Variants in TWF2 observed in about 807,000 individuals in gnomAD.
TWF2 encodes twinfilin actin binding protein 2.
Under a neutral mutation model 45.1 loss-of-function variants are expected in TWF2, and 15 were observed. The observed-to-expected ratio is 0.33, with a 90% CI of 0.22 to 0.51. TWF2 has a LOEUF of 0.51. TWF2 is among the 20% of genes least tolerant of loss of function. The pLI is 0.97. For missense variants in TWF2, 423 were observed against 469.1 expected (o/e 0.90, Z 0.91); for synonymous variants, 177 against 195.8 (o/e 0.90, Z 0.80).
intron 2 of TWF2, chr3:52,232,364 C>CCACA (rs1262223352): frequency 9.3e-6 from 5 of 539,760 alleles, no homozygotes; most frequent in African/African-American, 1.9e-5. Context: ...ACACACCCCC[C>CCACA]CACACACACA....
chr3:52,232,129 G>A lies in TWF2; in HGVS notation c.104-7C>T, dbSNP rs557015181. On this transcript the variant is annotated splice_region_variant and splice_polypyrimidine_tract_variant and intron_variant, in intron 2 of 8. Transcript: ENST00000305533. ...GCACCCAGCACGAGCTGCTCTGGGG[G>A]CAGAGGCCGGATGAGCAGCCGCTCC... is the stretch of plus-strand genomic sequence containing the variant. The A allele has an allele frequency of 4.6e-5, 72 of 1,553,802 alleles. 1 individual carries two copies. In the East Asian group the frequency reaches 1.0e-3, roughly 22 times the overall value.
intron 2 of TWF2, among the ~76,000 whole-genome samples, chr3:52,233,787 G>A (rs1363826743): frequency 2.0e-5 from 3 of 152,140 alleles, no homozygotes; most frequent in South Asian, 2.1e-4. Flanking sequence ...AGTGGTGGTC[G>A]CCTGTAGTCC....
At chr3:52,230,761 GGACA>G in intron 6 of TWF2, 105 bp downstream of exon 6, 3 of 1,464,364 alleles carry the variant, frequency 2.0e-6, no homozygotes, top group Non-Finnish European at 2.7e-6. Flanking sequence ...GAGCTGAAGG[GGACA>G]GACTGCAGGC....
Position 52,228,894 on chromosome 3 carries a change from G to C in TWF2, c.*140C>G. 1.5e-6 allele frequency: 2 copies of C among 1,310,248 alleles called. No individual in the cohort carries two copies. The highest frequency in any genetic ancestry group is 2.0e-6 in the Non-Finnish European group (2 of 975,662). The allele number at this position is 1,310,248 out of a possible 1,614,324, so 81.2% of individuals were successfully genotyped here. A position where few individuals can be genotyped will look rare whatever the true frequency, so the allele number is the denominator to read the frequency against. On this transcript the variant is annotated 3_prime_UTR_variant, in exon 9 of 9. Transcript: ENST00000305533. ...ACAAAATGCCAGCCCGGTGGCCCTC[G>C]GACGCTGCAAGTGCGTTCAGCTGCC...
intron 1 of TWF2, among the ~76,000 whole-genome samples, chr3:52,237,712 A>G (rs1257814404): frequency 6.6e-6 from 1 of 152,186 alleles, no homozygotes; most frequent in Non-Finnish European, 1.5e-5. Context: ...CCTGCCCGCC[A>G]GCTCCTCCTG....
At position 52,239,022 on chromosome 3, in the gene TWF2, G is replaced by C. The variant is rs1322046402; in HGVS notation, c.-6C>G. Reference sequence around the variant, plus strand: ...ATGCCCGTTTGGTGCGCCATGGCTCGGCGCTTCGCTCCGTCCGCGCCGTCG... The same window carrying C: ...ATGCCCGTTTGGTGCGCCATGGCTCCGCGCTTCGCTCCGTCCGCGCCGTCG... On this transcript the variant is annotated 5_prime_UTR_variant, in exon 1 of 9. Coordinates refer to ENST00000305533, the MANE Select transcript of TWF2 (RefSeq NM_007284.4). 1 of 1,595,322 alleles carries C rather than the reference G, an allele frequency of 6.3e-7. No homozygotes were observed. The highest frequency in any genetic ancestry group is 1.7e-5 in the Admixed American group (1 of 59,854).
chr3:52,239,157 C>T lies in TWF2; in HGVS notation c.-141G>A. ...AGCTTCCCGGGCGGTGCCGCAGGACCCGCCCCCAGCGGCGCCCCGCCCCCG... is the reference window on the plus strand; with the variant it reads ...AGCTTCCCGGGCGGTGCCGCAGGACTCGCCCCCAGCGGCGCCCCGCCCCCG... On this transcript the variant is annotated 5_prime_UTR_variant, in exon 1 of 9. Transcript: ENST00000305533. 1 of 1,167,032 alleles carries T rather than the reference C, an allele frequency of 8.6e-7. No individual in the cohort carries two copies. Among genetic ancestry groups the T allele is most frequent in the African/African-American group, 1.6e-5 (1 of 62,706 alleles). 72.3% of individuals were successfully genotyped at this position (1,167,032 alleles called of 1,614,324 possible). A position where few individuals can be genotyped will look rare whatever the true frequency, so the allele number is the denominator to read the frequency against.
chr3:52,229,238 G>A (rs1433300090), intron 8 of TWF2, 37 bp from the exon 9 acceptor site: 1 of 1,601,806 alleles, frequency 6.2e-7, no homozygotes, highest in African/African-American at 1.3e-5. Context: ...CCAATGGGAG[G>A]GGCTCTGACA....
In TWF2 at chr3:52,231,109, C is replaced by T; in HGVS notation, c.483+18G>A. On this transcript the variant is annotated intron_variant, in intron 5 of 8. Coordinates refer to ENST00000305533, the MANE Select transcript of TWF2 (RefSeq NM_007284.4). ...TGACCCTGAGGGCTCAAGGCTGGGG[C>T]CTCTGCTCCCCACCCACCTCGTTAA... is the stretch of plus-strand genomic sequence containing the variant. 1.2e-6 allele frequency: 2 copies of T among 1,613,888 alleles called. No individual in the cohort carries two copies. The highest frequency in any genetic ancestry group is 1.7e-6 in the Non-Finnish European group (2 of 1,179,846).
intron 2 of TWF2, 27 bp from the exon 3 acceptor site, chr3:52,232,149 C>A: frequency 6.6e-7 from 1 of 1,505,116 alleles, no homozygotes. Flanking sequence ...GATGAGCAGC[C>A]GCTCCCAGCT....
At position 52,239,108 on chromosome 3, in the gene TWF2, G is replaced by A. The variant is rs1699756947; in HGVS notation, c.-92C>T. On this transcript the variant is annotated 5_prime_UTR_variant, in exon 1 of 9. Coordinates refer to ENST00000305533, the MANE Select transcript of TWF2 (RefSeq NM_007284.4). Reference sequence around the variant, plus strand: ...CTGGACCAAGAGAGGTGGAGGATGTGGCGGAGGCTGTCGACCCTCGCGCAG... The same window carrying A: ...CTGGACCAAGAGAGGTGGAGGATGTAGCGGAGGCTGTCGACCCTCGCGCAG... The A allele has an allele frequency of 1.4e-6, 2 of 1,456,476 alleles. No homozygotes were observed. The highest frequency in any genetic ancestry group is 1.3e-5 in the South Asian group (1 of 76,938). 90.2% of individuals were successfully genotyped at this position (1,456,476 alleles called of 1,614,324 possible). A position where few individuals can be genotyped will look rare whatever the true frequency, so the allele number is the denominator to read the frequency against.
chr3:52,238,946 G>A (rs897775203), intron 1 of TWF2, 46 bp downstream of exon 1: 28 of 1,554,958 alleles, frequency 1.8e-5, no homozygotes, highest in Non-Finnish European at 2.3e-5. Flanking sequence ...GGGCGCTTCC[G>A]AGAGCCCAGA....
Position 52,239,035 on chromosome 3 carries a change from G to C in TWF2, c.-19C>G, listed in dbSNP as rs1332639833. 1 of 1,593,566 alleles carries C rather than the reference G, an allele frequency of 6.3e-7. No individual in the cohort carries two copies. Among genetic ancestry groups the C allele is most frequent in the Non-Finnish European group, 8.5e-7 (1 of 1,177,462 alleles). ...GCGCCATGGCTCGGCGCTTCGCTCC[G>C]TCCGCGCCGTCGGAGCCCTCCGCTT... On this transcript the variant is annotated 5_prime_UTR_variant, in exon 1 of 9. Transcript: ENST00000305533.
intron 2 of TWF2, among the ~76,000 whole-genome samples, chr3:52,232,902 C>T (rs1699692717): frequency 6.6e-6 from 1 of 152,082 alleles, no homozygotes. Flanking sequence ...CCCAGCTGCT[C>T]GGGAGGCTGA....
At position 52,238,907 on chromosome 3, in the gene TWF2, G is replaced by T. The variant is rs893743880; in HGVS notation, c.25+85C>A. On this transcript the variant is annotated intron_variant, in intron 1 of 8. Coordinates refer to ENST00000305533, the MANE Select transcript of TWF2 (RefSeq NM_007284.4). ...GGAAGCTTTCTCCCGGCTGGTGTGG[G>T]GTGGAGGGAGGGGCCGAGAGCCGGG... 13 of 1,503,172 alleles carry T rather than the reference G, an allele frequency of 8.6e-6. No homozygotes were observed. The African/African-American group carries it at 1.8e-4, about 21-fold the overall frequency. 93.1% of individuals were successfully genotyped at this position (1,503,172 alleles called of 1,614,324 possible). A position where few individuals can be genotyped will look rare whatever the true frequency, so the allele number is the denominator to read the frequency against.
rs1239344709 is a variant in TWF2 at position 52,229,787 on chromosome 3, T to C, written c.761-5A>G. ...CCGGCATGGAGTAGATGAACACTGT[T>C]GGGGGGCAGGAGGTGAGCCTGGGAG... On this transcript the variant is annotated splice_polypyrimidine_tract_variant and splice_region_variant and intron_variant, in intron 7 of 8. Transcript: ENST00000305533. 6.2e-7 allele frequency: 1 copy of C among 1,609,616 alleles called. No homozygotes were observed. Among genetic ancestry groups the C allele is most frequent in the African/African-American group, 1.3e-5 (1 of 74,846 alleles).
At chr3:52,230,836 G>A (rs1163579431) in intron 6 of TWF2, 34 bp downstream of exon 6, 16 of 1,603,244 alleles carry the variant, frequency 1.0e-5, no homozygotes, top group African/African-American at 2.7e-5. Flanking sequence ...AGGGGTGGTG[G>A]CAGCATGTGC....
chr3:52,237,156 C>A (rs1274812510), intron 1 of TWF2, among the ~76,000 whole-genome samples: 1 of 152,144 alleles, frequency 6.6e-6, no homozygotes, highest in Admixed American at 6.5e-5. Flanking sequence ...GCCGACGGGC[C>A]CCTTCTAGTG....
At chr3:52,235,982 G>A (rs957018784) in intron 1 of TWF2, among the ~76,000 whole-genome samples, 2 of 152,090 alleles carry the variant, frequency 1.3e-5, no homozygotes, top group Non-Finnish European at 2.9e-5. Flanking sequence ...CCAGGAGAAG[G>A]AATGGCTCCC....
Sources: gnomAD v4.1 joint callset for allele counts (sites outside exome capture counted in the v4.1 genomes callset) on GRCh38, gnomAD v4.1.1 for gene constraint, MANE v1.5 for transcripts, NCBI Gene and HGNC (gene_info 2026-07-23, HGNC 2026-07-21) for gene names.